CHKA: variants seen among roughly 807,000 people sequenced by gnomAD.
CHKA encodes choline kinase alpha.
In CHKA, 34 loss-of-function variants were observed where a neutral mutation model predicts 60.1. That is an observed-to-expected ratio of 0.57 (90% CI 0.43 to 0.75). The LOEUF is 0.75. CHKA is among the 30% of genes least tolerant of loss of function. The probability of loss-of-function intolerance (pLI) is 0.00; values close to 1 mark genes in which losing one functional copy is unlikely to be tolerated. For synonymous variants in CHKA, 217 were observed against 223.1 expected (o/e 0.97, Z 0.24); for missense variants, 563 against 561.3 (o/e 1.00, Z -0.03).
intron 6 of CHKA, 105 bp from the exon 7 acceptor site, chr11:68,069,042 C>T: frequency 3.8e-6 from 3 of 782,374 alleles, no homozygotes; most frequent in East Asian, 5.3e-5. Context: ...CAAAGCAACA[C>T]ACAGTTTCAG....
intron 1 of CHKA, among the ~76,000 whole-genome samples, chr11:68,108,861 G>A (rs2153029190): frequency 6.6e-6 from 1 of 152,278 alleles, no homozygotes; most frequent in South Asian, 2.1e-4. Context: ...CAGCACTAGG[G>A]TAGGAAAACC....
intron 2 of CHKA, among the ~76,000 whole-genome samples, chr11:68,094,705 G>A (rs942348727): frequency 2.0e-5 from 3 of 152,134 alleles, no homozygotes; most frequent in African/African-American, 7.2e-5. Context: ...GTTTTCAGCT[G>A]GCATCAACTG....
At chr11:68,067,237 G>A in intron 7 of CHKA, among the ~76,000 whole-genome samples, 1 of 152,172 alleles carries the variant, frequency 6.6e-6, no homozygotes, top group African/African-American at 2.4e-5. Flanking sequence ...CTCTCCTTAG[G>A]ATTTCTAGTG....
rs184506502 is a variant in CHKA at position 68,096,993 on chromosome 11, C to G, written c.462+26G>C. ...ATTTAAAATGTTAACAGGATCCCCC[C>G]CTCCCAAAGTAGCCTACCAACTCAC... On this transcript the variant is annotated intron_variant, in intron 2 of 11. Coordinates refer to ENST00000265689, the MANE Select transcript of CHKA (RefSeq NM_001277.3). The G allele has an allele frequency of 1.4e-5, 22 of 1,520,206 alleles. 1 individual carries two copies. The highest frequency in any genetic ancestry group is 2.3e-5 in the South Asian group (2 of 87,288). The allele number at this position is 1,520,206 out of a possible 1,614,324, so 94.2% of individuals were successfully genotyped here.
chr11:68,086,910 C>T (rs555857424), intron 2 of CHKA, among the ~76,000 whole-genome samples: 5 of 152,192 alleles, frequency 3.3e-5, no homozygotes, highest in Middle Eastern at 3.4e-3. Flanking sequence ...GGCGTGAACC[C>T]GGGAGGCGGA....
chr11:68,062,200 G>A (rs933255544), intron 10 of CHKA, among the ~76,000 whole-genome samples, 166 bp from the exon 11 acceptor site: 2 of 152,190 alleles, frequency 1.3e-5, no homozygotes, highest in African/African-American at 4.8e-5. Flanking sequence ...AGAACAATGG[G>A]AATACCACTC....
At chr11:68,066,603 C>A in intron 7 of CHKA, 87 bp from the exon 8 acceptor site, 3 of 1,025,782 alleles carry the variant, frequency 2.9e-6, no homozygotes, top group East Asian at 2.4e-5. Flanking sequence ...TGGATTTGAT[C>A]CCTTAGGGAA....
rs779247406 is a variant in CHKA at position 68,081,489 on chromosome 11, G to GA, written c.463-33dup. 3.0e-5 allele frequency: 47 copies of GA among 1,559,156 alleles called. No homozygotes were observed. In the East Asian group the frequency reaches 9.6e-4, roughly 32 times the overall value. ...ATGAGAAAAAGGAAACACTTCTGGT[G>GA]AGATGGGGAACACTAAACAGACACT... On this transcript the variant is annotated intron_variant, in intron 2 of 11. Coordinates refer to ENST00000265689, the MANE Select transcript of CHKA (RefSeq NM_001277.3).
chr11:68,096,993 C>T (rs184506502), intron 2 of CHKA, 26 bp downstream of exon 2: 2 of 1,520,322 alleles, frequency 1.3e-6, no homozygotes, highest in Non-Finnish European at 1.8e-6. Flanking sequence ...AGGATCCCCC[C>T]CTCCCAAAGT....
At chr11:68,080,846 G>C (rs1856964180) in intron 3 of CHKA, among the ~76,000 whole-genome samples, 1 of 152,246 alleles carries the variant, frequency 6.6e-6, no homozygotes, top group East Asian at 1.9e-4. Context: ...TGCCTCTGAG[G>C]CTCCATCGGT....
chr11:68,073,381 C>T (rs1186738743), intron 4 of CHKA, among the ~76,000 whole-genome samples: 3 of 152,080 alleles, frequency 2.0e-5, no homozygotes, highest in Non-Finnish European at 4.4e-5. Context: ...CGGCCGGGCG[C>T]GGTGGTTCAC....
At chr11:68,062,893 G>A (rs118067531) in intron 10 of CHKA, among the ~76,000 whole-genome samples, 1,608 of 152,218 alleles carry the variant, frequency 0.011, 12 homozygotes, top group Non-Finnish European at 0.015. Flanking sequence ...TGGAGGCCAC[G>A]AGGAGATGAC....
chr11:68,064,608 C>T lies in CHKA; in HGVS notation c.1149G>A (p.Leu383=). ...KQQLHFISSY[L]PAFQNDFENL... The stretch of plus-strand genomic sequence containing the variant: ...TTTCAAAGTCATTTTGGAATGCAGG[C>T]AAGTAACTGGAAATAAAATGGAGCT... The change falls in exon 10 of 12, where the codon TTG becomes TTA. Residue 383 remains leucine, a synonymous_variant. Coordinates refer to ENST00000265689, the MANE Select transcript of CHKA (RefSeq NM_001277.3). 6.3e-7 allele frequency: 1 copy of T among 1,589,084 alleles called. No individual in the cohort carries two copies. The highest frequency in any genetic ancestry group is 8.6e-7 in the Non-Finnish European group (1 of 1,169,512).
intron 11 of CHKA, chr11:68,061,675 C>G: frequency 1.9e-6 from 1 of 517,184 alleles, no homozygotes; most frequent in Non-Finnish European, 3.8e-6. Flanking sequence ...ATCAGGATTG[C>G]AGGCACTTCT....
intron 1 of CHKA, among the ~76,000 whole-genome samples, chr11:68,111,801 C>T (rs887510442): frequency 6.6e-6 from 1 of 152,038 alleles, no homozygotes; most frequent in African/African-American, 2.4e-5. Context: ...CACCTGTAAT[C>T]CCAGCACTTT....
rs1401641867 is a variant in CHKA at position 68,064,563 on chromosome 11, T to C, written c.1194A>G (p.Lys398=). The change falls in exon 10 of 12, where the codon AAA becomes AAG. Residue 398 remains lysine (K), a synonymous_variant. Transcript: ENST00000265689. ...NDFENLSTEE[K]SIIKEEMLLE... Reference sequence around the variant, plus strand: ...GCAACATTTCTTCTTTTATAATGGATTTTTCTTCAGTACTGAGGTTTTCAA... The same window carrying C: ...GCAACATTTCTTCTTTTATAATGGACTTTTCTTCAGTACTGAGGTTTTCAA... 3.8e-6 allele frequency: 6 copies of C among 1,583,420 alleles called. No individual in the cohort carries two copies. The South Asian group carries it at 4.8e-5, about 13-fold the overall frequency.
intron 6 of CHKA, among the ~76,000 whole-genome samples, chr11:68,069,337 C>T (rs1214009108): frequency 6.6e-6 from 1 of 152,126 alleles, no homozygotes; most frequent in Non-Finnish European, 1.5e-5. Context: ...CTTGTTTTCC[C>T]TCAGCAGCGA....
chr11:68,084,431 T>TACGTATATATGTGTATATATATATACAC, intron 2 of CHKA, among the ~76,000 whole-genome samples: 1 of 126,848 alleles, frequency 7.9e-6, no homozygotes, highest in African/African-American at 2.9e-5. Context: ...TATACACATA[T>TACGTATATATGTGTATATATATATACAC]ATATACGTAT....
chr11:68,083,032 T>A (rs1363331751), intron 2 of CHKA, among the ~76,000 whole-genome samples: 1 of 152,250 alleles, frequency 6.6e-6, no homozygotes, highest in Non-Finnish European at 1.5e-5. Flanking sequence ...CGTGGCCGCA[T>A]CGTTCCTTAG....
Sources: gnomAD v4.1 joint callset for allele counts (sites outside exome capture counted in the v4.1 genomes callset) on GRCh38, gnomAD v4.1.1 for gene constraint, MANE v1.5 for transcripts, NCBI Gene and HGNC (gene_info 2026-07-23, HGNC 2026-07-21) for gene names.